ALDH6A1: variants seen among roughly 807,000 people sequenced by gnomAD.
The protein encoded by ALDH6A1 is methylmalonate-semialdehyde/malonate-semialdehyde dehydrogenase [acylating], mitochondrial.
ALDH6A1 carries 43 observed loss-of-function variants against 62.6 expected under a neutral mutation model. The observed-to-expected ratio is 0.69, with a 90% CI of 0.54 to 0.89. The LOEUF (loss-of-function observed/expected upper bound fraction) is 0.89, where lower values mean the gene tolerates loss of function less well. ALDH6A1 is among the 40% of genes least tolerant of loss of function. The pLI, the probability that ALDH6A1 is intolerant of heterozygous loss-of-function variation, is 0.00. For synonymous variants in ALDH6A1, 194 were observed against 234.2 expected, an observed-to-expected ratio of 0.83 and a Z score of 1.57; for missense variants, 551 against 661.3, an observed-to-expected ratio of 0.83 and a Z score of 1.83.
At position 74,059,626 on chromosome 14, in the gene ALDH6A1, C is replaced by A. The variant is rs139735554; in HGVS notation, c.*1016G>T. 8 of 235,394 alleles carry A rather than the reference C, an allele frequency of 3.4e-5. No homozygotes were observed. The highest frequency in any genetic ancestry group is 1.6e-4 in the African/African-American group (7 of 43,044). The allele number at this position is 235,394 out of a possible 1,614,324, so 14.6% of individuals were successfully genotyped here. A position where few individuals can be genotyped will look rare whatever the true frequency, so the allele number is the denominator to read the frequency against. ...AGGAGAATCGCTTGAACCTGGGAGG[C>A]GGAGGTTGCGGTGAGCTGAGATCAC... On this transcript the variant is annotated 3_prime_UTR_variant, in exon 12 of 12. Coordinates refer to ENST00000553458, the MANE Select transcript of ALDH6A1 (RefSeq NM_005589.4).
chr14:74,072,202 C>A lies in ALDH6A1; in HGVS notation c.348+1G>T. On this transcript the variant is annotated splice_donor_variant, in intron 4 of 11. Transcript: ENST00000553458. LOFTEE classifies it high-confidence loss of function. ...AAAAGCATACCATTTAGATTTCATA[C>A]CAAGTTTTCTTTAATAAGTTGTTGA... 6.2e-7 allele frequency: 1 copy of A among 1,614,156 alleles called. No homozygotes were observed. The highest frequency in any genetic ancestry group is 8.5e-7 in the Non-Finnish European group (1 of 1,180,032).
intron 8 of ALDH6A1, among the ~76,000 whole-genome samples, 158 bp from the exon 9 acceptor site, chr14:74,067,044 C>T (rs1158361431): frequency 6.6e-6 from 1 of 152,070 alleles, no homozygotes; most frequent in African/African-American, 2.4e-5. Context: ...AGTGAGACTT[C>T]ATATTTACAA....
In ALDH6A1 at chr14:74,072,552, G is replaced by A. The variant is rs566439215; in HGVS notation, c.171C>T (p.Ile57=). 44 of 1,613,972 alleles carry A rather than the reference G, an allele frequency of 2.7e-5. No homozygotes were observed. Among genetic ancestry groups the A allele is most frequent in the South Asian group, 2.1e-4 (19 of 91,060 alleles). Reference sequence around the variant, plus strand: ...CTTCGCTTACTGGGTTGTGGATATCGATCCATTTGTCACTTTTGGATTCAA... The same window carrying A: ...CTTCGCTTACTGGGTTGTGGATATCAATCCATTTGTCACTTTTGGATTCAA... The part of the protein sequence containing the change: ...KFVESKSDKW[I]DIHNPATNEV... Residue 57 remains isoleucine (I), a synonymous_variant, in exon 3 of 12, where the codon ATC becomes ATT. Transcript: ENST00000553458.
chr14:74,057,646 AT>A lies in ALDH6A1; in HGVS notation c.*2995del. 7.5e-7 allele frequency: 1 copy of A among 1,331,066 alleles called. No homozygotes were observed. Among genetic ancestry groups the A allele is most frequent in the Non-Finnish European group, 9.8e-7 (1 of 1,018,958 alleles). 82.5% of individuals were successfully genotyped at this position (1,331,066 alleles called of 1,614,324 possible). ...AAGGCTTATAAGGAGATATGAAATGATTTTTTTAAGCCAAGTTTTTCTCTTT... is the reference window on the plus strand; with the variant it reads ...AAGGCTTATAAGGAGATATGAAATGATTTTTTAAGCCAAGTTTTTCTCTTT... On this transcript the variant is annotated 3_prime_UTR_variant, in exon 12 of 12. Transcript: ENST00000553458.
rs768631870 is a variant in ALDH6A1 at position 74,056,945 on chromosome 14, T to C, written c.*3697A>G. On this transcript the variant is annotated 3_prime_UTR_variant, in exon 12 of 12. Coordinates refer to ENST00000553458, the MANE Select transcript of ALDH6A1 (RefSeq NM_005589.4). ...GTTCTAGGCCTCCAGTTCCAGACTA[T>C]GTTGTTTCTGACAGTGGGGAAACAA... The C allele has an allele frequency of 6.2e-7, 1 of 1,613,798 alleles. No homozygotes were observed. Among genetic ancestry groups the C allele is most frequent in the Non-Finnish European group, 8.5e-7 (1 of 1,179,900 alleles).
intron 11 of ALDH6A1, chr14:74,064,605 C>G: frequency 7.3e-7 from 1 of 1,376,498 alleles, no homozygotes; most frequent in Non-Finnish European, 1.0e-6. Context: ...TCCCCATGCT[C>G]TTTCCTCAAA....
rs565805130 is a variant in ALDH6A1, at chr14:74,069,356, C to A, written c.731-375G>T. On this transcript the variant is annotated intron_variant, in intron 6 of 11. Transcript: ENST00000553458. The stretch of plus-strand genomic sequence containing the variant: ...TGACCTCGTGATCCACTCGCCTTGG[C>A]CTCCCAAAATGCTGGGATTACAGGT... 3.7e-4 allele frequency: 115 copies of A among 308,222 alleles called. 1 individual carries two copies. In the East Asian group the frequency reaches 8.1e-3, roughly 22 times the overall value. The allele number at this position is 308,222 out of a possible 1,614,324, so 19.1% of individuals were successfully genotyped here. A position where few individuals can be genotyped will look rare whatever the true frequency, so the allele number is the denominator to read the frequency against.
intron 10 of ALDH6A1, 27 bp from the exon 11 acceptor site, chr14:74,064,947 T>C: frequency 1.3e-6 from 2 of 1,596,866 alleles, no homozygotes; most frequent in Non-Finnish European, 1.7e-6. Flanking sequence ...CCGTGTCATA[T>C]CCTAAGGACA....
Position 74,060,640 on chromosome 14 carries a change from T to C in ALDH6A1, c.*2A>G. ...TGGAGTCAGTCTTAAACAAACTTGT[T>C]TCTAACGGCCCATGGTAGGCATGAC... On this transcript the variant is annotated 3_prime_UTR_variant, in exon 12 of 12. Transcript: ENST00000553458. The C allele has an allele frequency of 6.2e-7, 1 of 1,602,920 alleles. No homozygotes were observed. Among genetic ancestry groups the C allele is most frequent in the African/African-American group, 1.3e-5 (1 of 74,796 alleles).
chr14:74,078,461 T>C (rs2060636952), intron 1 of ALDH6A1: 1 of 268,542 alleles, frequency 3.7e-6, no homozygotes, highest in Non-Finnish European at 7.4e-6. Context: ...TCAAGCCATC[T>C]TCCTGCCTCA....
rs2060472561 is a variant in ALDH6A1, at chr14:74,066,728, G to T, written c.1201C>A (p.Pro401Thr). Residue 401 changes from proline to threonine, a missense_variant, in exon 9 of 12, where the codon CCA becomes ACA. By Grantham distance (38) the Pro-to-Thr change is conservative. Coordinates refer to ENST00000553458, the MANE Select transcript of ALDH6A1 (RefSeq NM_005589.4). ...ACCTTGACATTCGAGATGATGGTTG[G>T]TCCAACAAAGTTGCCATTTTCATAG... is the stretch of plus-strand genomic sequence containing the variant. ...KGYENGNFVGPTIISNVKPNM... is the reference protein window; with the variant it reads ...KGYENGNFVGTTIISNVKPNM... 6.2e-7 allele frequency: 1 copy of T among 1,613,856 alleles called. No individual in the cohort carries two copies. Among genetic ancestry groups the T allele is most frequent in the Non-Finnish European group, 8.5e-7 (1 of 1,180,008 alleles).
chr14:74,075,049 A>C (rs1462560858), intron 1 of ALDH6A1, 32 bp from the exon 2 acceptor site: 1 of 1,604,418 alleles, frequency 6.2e-7, no homozygotes, highest in East Asian at 2.2e-5. Flanking sequence ...ATTTTGATAA[A>C]TGAGAGCAGA....
Position 74,057,225 on chromosome 14 carries a change from C to T in ALDH6A1, c.*3417G>A, listed in dbSNP as rs2060233475. 1 of 1,614,062 alleles carries T rather than the reference C, an allele frequency of 6.2e-7. No individual in the cohort carries two copies. Among genetic ancestry groups the T allele is most frequent in the Non-Finnish European group, 8.5e-7 (1 of 1,179,962 alleles). ...ACTCTTCTGGTGAAGTGGTGCTACC[C>T]ACTATTCCAAAAGAACCTCAGGAGT... On this transcript the variant is annotated 3_prime_UTR_variant, in exon 12 of 12. Transcript: ENST00000553458.
intron 1 of ALDH6A1, among the ~76,000 whole-genome samples, chr14:74,079,581 C>T (rs1461603450): frequency 2.6e-5 from 4 of 151,920 alleles, no homozygotes; most frequent in South Asian, 2.1e-4. Flanking sequence ...TACAGGCGCC[C>T]GCCACCATGC....
At position 74,060,637 on chromosome 14, in the gene ALDH6A1, T is replaced by C. The variant is rs977363161; in HGVS notation, c.*5A>G. ...GGATGGAGTCAGTCTTAAACAAACT[T>C]GTTTCTAACGGCCCATGGTAGGCAT... On this transcript the variant is annotated 3_prime_UTR_variant, in exon 12 of 12. Coordinates refer to ENST00000553458, the MANE Select transcript of ALDH6A1 (RefSeq NM_005589.4). The C allele has an allele frequency of 5.0e-6, 8 of 1,598,346 alleles. No individual in the cohort carries two copies. Among genetic ancestry groups the C allele is most frequent in the Non-Finnish European group, 6.0e-6 (7 of 1,165,818 alleles).
chr14:74,057,772 T>C lies in ALDH6A1; in HGVS notation c.*2870A>G. The C allele has an allele frequency of 5.4e-6, 6 of 1,103,266 alleles. No homozygotes were observed. The South Asian group carries it at 1.4e-4, about 25-fold the overall frequency. 68.3% of individuals were successfully genotyped at this position (1,103,266 alleles called of 1,614,324 possible). A position where few individuals can be genotyped will look rare whatever the true frequency, so the allele number is the denominator to read the frequency against. On this transcript the variant is annotated 3_prime_UTR_variant, in exon 12 of 12. Transcript: ENST00000553458. Reference sequence around the variant, plus strand: ...ATTAGAACAAAAAGAAAATACTGACTTTTTAGCCGCGATCACATGAATATA... The same window carrying C: ...ATTAGAACAAAAAGAAAATACTGACCTTTTAGCCGCGATCACATGAATATA...
chr14:74,079,215 G>A (rs75217841), intron 1 of ALDH6A1, among the ~76,000 whole-genome samples: 16,955 of 151,256 alleles, frequency 0.11, 1,282 homozygotes, highest in Admixed American at 0.19. Context: ...AGTAGCTCAC[G>A]CCTGTAATCC....
chr14:74,072,530 C>T lies in ALDH6A1; in HGVS notation c.186+7G>A, dbSNP rs184483889. ...ATAAGTTGAAGTCCCAAAGCAGCTT[C>T]GCTTACTGGGTTGTGGATATCGATC... On this transcript the variant is annotated splice_region_variant and intron_variant, in intron 3 of 11. Coordinates refer to ENST00000553458, the MANE Select transcript of ALDH6A1 (RefSeq NM_005589.4). 365 of 1,614,124 alleles carry T rather than the reference C, an allele frequency of 2.3e-4. 1 individual carries two copies. In the African/African-American group the frequency reaches 4.1e-3, roughly 18 times the overall value.
In ALDH6A1 at chr14:74,084,275, G is replaced by A. The variant is rs900244648; in HGVS notation, c.48+72C>T. 4.4e-6 allele frequency: 7 copies of A among 1,607,580 alleles called. No homozygotes were observed. In the African/African-American group the frequency reaches 9.4e-5, roughly 21 times the overall value. On this transcript the variant is annotated intron_variant, in intron 1 of 11. Transcript: ENST00000553458. ...GGGCCAAGAAGGTGGTCCCGCCCGAGGATGGCTCAGGGAGCGGACGGAAAG... is the reference window on the plus strand; with the variant it reads ...GGGCCAAGAAGGTGGTCCCGCCCGAAGATGGCTCAGGGAGCGGACGGAAAG...
Sources: allele counts gnomAD v4.1 joint callset (sites outside exome capture counted in the v4.1 genomes callset), GRCh38; gene constraint gnomAD v4.1.1; transcripts MANE v1.5; gene names NCBI Gene and HGNC (gene_info 2026-07-23, HGNC 2026-07-21).